The following C1QTNF3 variants were observed in gnomAD, a reference collection of about 807,000 sequenced individuals.
The protein encoded by C1QTNF3 is C1q and TNF related 3, also known as complement C1q tumor necrosis factor-related protein 3.
A neutral mutation model predicts 32.6 loss-of-function variants in C1QTNF3; 26 were observed. That is an observed-to-expected ratio of 0.80 (90% CI 0.58 to 1.11). The LOEUF (loss-of-function observed/expected upper bound fraction) is 1.11, where lower values mean the gene tolerates loss of function less well. Ranked by LOEUF, C1QTNF3 falls within the 50% of genes least tolerant of loss-of-function variation. The pLI, the probability that C1QTNF3 is intolerant of heterozygous loss-of-function variation, is 0.00. For synonymous variants in C1QTNF3, 155 were observed against 146.0 expected, an observed-to-expected ratio of 1.06 and a Z score of -0.44; for missense variants, 362 against 398.2, an observed-to-expected ratio of 0.91 and a Z score of 0.77.
chr5:34,071,219 A>G, the C1QTNF3 span, among the ~76,000 whole-genome samples: 2 of 151,936 alleles, frequency 1.3e-5, no homozygotes, highest in African/African-American at 4.8e-5. Context: ...GAAACTTTCC[A>G]CCCTATAAGT....
At chr5:34,143,893 C>T in the C1QTNF3 span, among the ~76,000 whole-genome samples, 1 of 152,118 alleles carries the variant, frequency 6.6e-6, no homozygotes, top group African/African-American at 2.4e-5. Context: ...TCACACTCAG[C>T]TAACAACATG....
the C1QTNF3 span, chr5:34,165,790 A>G: frequency 3.0e-4 from 45 of 151,180 alleles, no homozygotes; most frequent in African/African-American, 1.0e-3. Context: ...CAAAATTTAC[A>G]TGAACACTCA....
At chr5:34,238,385 T>C in the C1QTNF3 span, among the ~76,000 whole-genome samples, 1 of 152,160 alleles carries the variant, frequency 6.6e-6, no homozygotes, top group South Asian at 2.1e-4. Context: ...AGTAATCCAG[T>C]AAAGCAATCT....
At chr5:34,201,612 T>G in the C1QTNF3 span, among the ~76,000 whole-genome samples, 1 of 151,960 alleles carries the variant, frequency 6.6e-6, no homozygotes, top group Non-Finnish European at 1.5e-5. Flanking sequence ...GGTGCTAAAA[T>G]TGCGCAAAAA....
chr5:34,235,184 C>T, the C1QTNF3 span, among the ~76,000 whole-genome samples: 324 of 152,178 alleles, frequency 2.1e-3, 1 homozygote, highest in African/African-American at 6.9e-3. Flanking sequence ...TTTTTATGAA[C>T]ACAGTAGGAT....
the C1QTNF3 span, among the ~76,000 whole-genome samples, chr5:34,065,982 T>C: frequency 6.6e-6 from 1 of 152,130 alleles, no homozygotes; most frequent in South Asian, 2.1e-4. Context: ...ATATACACCA[T>C]GGAATACTAT....
At chr5:34,209,356 T>C in the C1QTNF3 span, among the ~76,000 whole-genome samples, 3 of 151,480 alleles carry the variant, frequency 2.0e-5, no homozygotes, top group East Asian at 5.8e-4. Context: ...ATAATCTGTA[T>C]ACCTATTTAC....
the C1QTNF3 span, among the ~76,000 whole-genome samples, chr5:34,091,847 TTA>T: frequency 6.6e-6 from 1 of 151,982 alleles, no homozygotes; most frequent in African/African-American, 2.4e-5. Flanking sequence ...TAATTATTTT[TTA>T]TATGTCAATG....
the C1QTNF3 span, among the ~76,000 whole-genome samples, chr5:34,210,799 A>G: frequency 1.3e-5 from 2 of 152,080 alleles, no homozygotes; most frequent in Non-Finnish European, 2.9e-5. Context: ...ATAATTCAGA[A>G]CAGAAAGGTT....
the C1QTNF3 span, among the ~76,000 whole-genome samples, chr5:34,070,854 C>A: frequency 6.6e-6 from 1 of 151,992 alleles, no homozygotes; most frequent in African/African-American, 2.4e-5. Flanking sequence ...GGCTAAAATG[C>A]GGTATTCATT....
the C1QTNF3 span, among the ~76,000 whole-genome samples, chr5:34,205,794 T>C: frequency 6.7e-6 from 1 of 148,864 alleles, no homozygotes; most frequent in Non-Finnish European, 1.5e-5. Context: ...TTCTTTGCTC[T>C]CTCATCTTAG....
the C1QTNF3 span, among the ~76,000 whole-genome samples, chr5:34,139,752 C>T: frequency 6.6e-6 from 1 of 152,140 alleles, no homozygotes; most frequent in Non-Finnish European, 1.5e-5. Context: ...AGATCCTAGG[C>T]ACCCAAAATT....
At chr5:34,177,447 G>T in the C1QTNF3 span, among the ~76,000 whole-genome samples, 1 of 149,630 alleles carries the variant, frequency 6.7e-6, no homozygotes, top group African/African-American at 2.5e-5. Flanking sequence ...CTCCCAAGTA[G>T]CTGGGACTAG....
the C1QTNF3 span, among the ~76,000 whole-genome samples, chr5:34,202,768 T>C: frequency 2.0e-5 from 3 of 152,188 alleles, no homozygotes; most frequent in East Asian, 1.9e-4. Flanking sequence ...CTGCATACTT[T>C]GGGAAGCATT....
chr5:34,198,243 A>AAAAT, the C1QTNF3 span, among the ~76,000 whole-genome samples: 4 of 142,796 alleles, frequency 2.8e-5, no homozygotes, highest in Non-Finnish European at 4.4e-5. Context: ...CTCTGTCTCA[A>AAAAT]AAATAAATAA....
At chr5:34,115,678 C>T in the C1QTNF3 span, among the ~76,000 whole-genome samples, 2 of 150,590 alleles carry the variant, frequency 1.3e-5, no homozygotes, top group Admixed American at 6.6e-5. Flanking sequence ...TTGCAGTGAG[C>T]TGAGATGGCG....
the C1QTNF3 span, among the ~76,000 whole-genome samples, chr5:34,104,773 G>A: frequency 2.1e-5 from 3 of 145,428 alleles, no homozygotes; most frequent in Non-Finnish European, 3.0e-5. Flanking sequence ...CTGACCTCAC[G>A]TGATCTGCCA....
At chr5:34,028,305 T>G (rs189589500) in intron 4 of C1QTNF3, among the ~76,000 whole-genome samples, 22 of 152,286 alleles carry the variant, frequency 1.4e-4, no homozygotes, top group African/African-American at 5.1e-4. Context: ...TATTACCTGC[T>G]CAATTTCTTT....
chr5:34,225,443 G>T, the C1QTNF3 span, among the ~76,000 whole-genome samples: 3 of 152,046 alleles, frequency 2.0e-5, no homozygotes, highest in Non-Finnish European at 4.4e-5. Context: ...AATACTTCAA[G>T]ACAACTTTTC....
Sources: allele counts gnomAD v4.1 joint callset (sites outside exome capture counted in the v4.1 genomes callset), GRCh38; gene constraint gnomAD v4.1.1; transcripts MANE v1.5; gene names NCBI Gene and HGNC (gene_info 2026-07-23, HGNC 2026-07-21).